The following MOGAT2 variants were observed in gnomAD, a reference collection of about 807,000 sequenced individuals.
MOGAT2 encodes monoacylglycerol O-acyltransferase 2, also known as 2-acylglycerol O-acyltransferase 2.
MOGAT2 carries 27 observed loss-of-function variants against 31.5 expected under a neutral mutation model. The observed-to-expected ratio is 0.86, with a 90% CI of 0.63 to 1.18. MOGAT2 has a LOEUF of 1.18. Ranked by LOEUF, MOGAT2 falls within the 50% of genes most tolerant of loss-of-function variation. The pLI, the probability that MOGAT2 is intolerant of heterozygous loss-of-function variation, is 0.00. For synonymous variants in MOGAT2, 163 were observed against 170.0 expected, an observed-to-expected ratio of 0.96 and a Z score of 0.32; for missense variants, 436 against 433.2, an observed-to-expected ratio of 1.01 and a Z score of -0.06.
At position 75,728,811 on chromosome 11, in the gene MOGAT2, C is replaced by A; in HGVS notation, c.672C>A (p.Phe224Leu). 6.2e-7 allele frequency: 1 copy of A among 1,614,230 alleles called. No homozygotes were observed. The highest frequency in any genetic ancestry group is 8.5e-7 in the Non-Finnish European group (1 of 1,180,038). Reference sequence around the variant, plus strand: ...CCAGGGCACCCCTGGTGCCAATCTTCTCCTTCGGGGAGAATGACCTATTTG... The same window carrying A: ...CCAGGGCACCCCTGGTGCCAATCTTATCCTTCGGGGAGAATGACCTATTTG... The part of the protein sequence containing the change: ...LTHGAPLVPI[F>L]SFGENDLFDQ... Residue 224 changes from phenylalanine (F) to leucine (L), a missense_variant, in exon 5 of 6, where the codon TTC becomes TTA. Physicochemically the swap from Phe to Leu is conservative, Grantham distance 22. Coordinates refer to ENST00000198801, the MANE Select transcript of MOGAT2 (RefSeq NM_025098.4).
chr11:75,718,709 G>T (rs1944351490), intron 1 of MOGAT2, among the ~76,000 whole-genome samples: 1 of 152,158 alleles, frequency 6.6e-6, no homozygotes, highest in Admixed American at 6.5e-5. Context: ...CCCCACCACT[G>T]ATTTGTGGCC....
At chr11:75,723,403 G>C (rs923902211) in intron 2 of MOGAT2, among the ~76,000 whole-genome samples, 1 of 152,084 alleles carries the variant, frequency 6.6e-6, no homozygotes, top group Non-Finnish European at 1.5e-5. Context: ...CTGGGCCTGT[G>C]GGGTGGGGCT....
intron 1 of MOGAT2, among the ~76,000 whole-genome samples, chr11:75,718,748 C>T (rs1944351641): frequency 6.6e-6 from 1 of 152,160 alleles, no homozygotes; most frequent in African/African-American, 2.4e-5. Flanking sequence ...CAAACAATAG[C>T]TCTGCCAAAG....
Position 75,730,128 on chromosome 11 carries a change from C to G in MOGAT2, c.851-1004C>G, listed in dbSNP as rs116502455. Among the ~76,000 whole-genome samples, 430 of 152,342 alleles carry G rather than the reference C, an allele frequency of 2.8e-3. 3 individuals carry two copies. Among genetic ancestry groups the G allele is most frequent in the African/African-American group, 9.8e-3 (409 of 41,574 alleles). ...ATTGAGCAGACTTGGTAAACCCCTACATCATGAACTCCCCTGTGTTGTGTA... is the reference window on the plus strand; with the variant it reads ...ATTGAGCAGACTTGGTAAACCCCTAGATCATGAACTCCCCTGTGTTGTGTA... On this transcript the variant is annotated intron_variant, in intron 5 of 5. Coordinates refer to ENST00000198801, the MANE Select transcript of MOGAT2 (RefSeq NM_025098.4).
chr11:75,721,858 G>T (rs1219538), intron 2 of MOGAT2, among the ~76,000 whole-genome samples: 4 of 151,980 alleles, frequency 2.6e-5, no homozygotes, highest in Admixed American at 1.3e-4. Flanking sequence ...TTATGGGAAC[G>T]CAGGGTGGTT....
In MOGAT2 at chr11:75,720,180, G is replaced by A. The variant is rs1212744165; in HGVS notation, c.270+10G>A. ...CTATTTCCCCATCTCGGTGAGTATTGAGGCTGGTTGGGGTTGGGGAGGGAG... is the reference window on the plus strand; with the variant it reads ...CTATTTCCCCATCTCGGTGAGTATTAAGGCTGGTTGGGGTTGGGGAGGGAG... On this transcript the variant is annotated intron_variant, in intron 2 of 5. Coordinates refer to ENST00000198801, the MANE Select transcript of MOGAT2 (RefSeq NM_025098.4). 4.4e-6 allele frequency: 7 copies of A among 1,607,378 alleles called. No individual in the cohort carries two copies. Among genetic ancestry groups the A allele is most frequent in the Admixed American group, 1.7e-5 (1 of 59,758 alleles).
chr11:75,728,109 C>A lies in MOGAT2; in HGVS notation c.615C>A (p.Asn205Lys), dbSNP rs1486824008. ...RPGSFTLLLR[N>K]RKGFVRLALT... The stretch of plus-strand genomic sequence containing the variant: ...GATCCTTCACGCTGTTACTGCGGAA[C>A]CGAAAGGGCTTCGTCAGGCTCGCCC... The change falls in exon 4 of 6, where the codon AAC becomes AAA. Residue 205 changes from asparagine to lysine, a missense_variant. Asn to Lys is a moderately conservative substitution (Grantham distance 94). Transcript: ENST00000198801. 6.2e-7 allele frequency: 1 copy of A among 1,614,086 alleles called. No homozygotes were observed. The highest frequency in any genetic ancestry group is 8.5e-7 in the Non-Finnish European group (1 of 1,179,988).
intron 3 of MOGAT2, 116 bp from the exon 4 acceptor site, chr11:75,727,853 TG>T: frequency 1.7e-6 from 2 of 1,170,288 alleles, no homozygotes; most frequent in Non-Finnish European, 1.2e-6. Flanking sequence ...TGGGGTGCAG[TG>T]GGGGAAAAAC....
intron 4 of MOGAT2, chr11:75,728,581 G>A (rs1944443405): frequency 1.7e-6 from 1 of 599,954 alleles, no homozygotes; most frequent in Middle Eastern, 4.4e-4. Flanking sequence ...GTGCAACTGG[G>A]AAGTTGTGGC....
In MOGAT2 at chr11:75,728,886, G is replaced by A; in HGVS notation, c.747G>A (p.Arg249=). The change falls in exon 5 of 6, where the codon CGG becomes CGA. Residue 249 remains arginine, a synonymous_variant. Coordinates refer to ENST00000198801, the MANE Select transcript of MOGAT2 (RefSeq NM_025098.4). ...SGSWLRYIQN[R]LQKIMGISLP... ...CCTGGTTACGCTATATCCAGAATCG[G>A]TTGCAGAAGATCATGGGCATCTCCC... is the stretch of plus-strand genomic sequence containing the variant. The A allele has an allele frequency of 6.2e-7, 1 of 1,614,176 alleles. No homozygotes were observed. The highest frequency in any genetic ancestry group is 8.5e-7 in the Non-Finnish European group (1 of 1,180,012).
In MOGAT2 at chr11:75,732,137, C is replaced by G. The variant is rs1320444985; in HGVS notation, c.*851C>G. ...AATTTGAGGAGGGTTTAAAAAGGAACCATTTTTTGAGGTGTGTGCACTGTT... is the reference window on the plus strand; with the variant it reads ...AATTTGAGGAGGGTTTAAAAAGGAAGCATTTTTTGAGGTGTGTGCACTGTT... On this transcript the variant is annotated 3_prime_UTR_variant, in exon 6 of 6. Coordinates refer to ENST00000198801, the MANE Select transcript of MOGAT2 (RefSeq NM_025098.4). 1 of 152,252 alleles carries G rather than the reference C, an allele frequency of 6.6e-6. No homozygotes were observed. The highest frequency in any genetic ancestry group is 1.5e-5 in the Non-Finnish European group (1 of 68,120). 9.4% of individuals were successfully genotyped at this position (152,252 alleles called of 1,614,324 possible). A position where few individuals can be genotyped will look rare whatever the true frequency, so the allele number is the denominator to read the frequency against.
chr11:75,729,093 G>A, intron 5 of MOGAT2, 104 bp downstream of exon 5: 1 of 1,064,502 alleles, frequency 9.4e-7, no homozygotes. Flanking sequence ...TGCCCTAATG[G>A]GGCTCACATT....
rs544932821 is a variant in MOGAT2, at chr11:75,721,891, C to G, written c.270+1721C>G. 2.4e-4 allele frequency among the ~76,000 whole-genome samples: 36 copies of G among 152,320 alleles called. No homozygotes were observed. The South Asian group carries it at 7.0e-3, about 30-fold the overall frequency. On this transcript the variant is annotated intron_variant, in intron 2 of 5. Coordinates refer to ENST00000198801, the MANE Select transcript of MOGAT2 (RefSeq NM_025098.4). ...GTTGGGGTTCCTGCCTTGCTCCCTT[C>G]TGAGAGTCCAGGGGCCCAAGAAGGA...
chr11:75,731,237 A>T lies in MOGAT2; in HGVS notation c.956A>T (p.His319Leu). The part of the protein sequence containing the change: ...IKELCNLFEA[H>L]KLKFNIPADQ... ...GAGCTGTGCAACCTCTTCGAGGCCC[A>T]CAAACTTAAGTTCAACATCCCTGCT... Residue 319 changes from histidine (H) to leucine (L), a missense_variant, in exon 6 of 6, where the codon CAC becomes CTC. Physicochemically the swap from His to Leu is moderately conservative, Grantham distance 99 (BLOSUM62 -3). Transcript: ENST00000198801. 1 of 1,614,184 alleles carries T rather than the reference A, an allele frequency of 6.2e-7. No homozygotes were observed. Among genetic ancestry groups the T allele is most frequent in the South Asian group, 1.1e-5 (1 of 91,086 alleles).
rs902873392 is a variant in MOGAT2 at position 75,728,139 on chromosome 11, A to G, written c.645A>G (p.Thr215=). ...AGGGCTTCGTCAGGCTCGCCCTGAC[A>G]CACGGGTATCAAGCCTCTGGGAAGA... ...NRKGFVRLAL[T]HGAPLVPIFS... The change falls in exon 4 of 6, where the codon ACA becomes ACG. Residue 215 remains threonine (T), a synonymous_variant. Coordinates refer to ENST00000198801, the MANE Select transcript of MOGAT2 (RefSeq NM_025098.4). 15 of 1,612,860 alleles carry G rather than the reference A, an allele frequency of 9.3e-6. No individual in the cohort carries two copies. Among genetic ancestry groups the G allele is most frequent in the Middle Eastern group, 1.6e-4 (1 of 6,084 alleles).
chr11:75,728,153 C>T lies in MOGAT2; in HGVS notation c.650+9C>T, dbSNP rs1203910936. The T allele has an allele frequency of 2.5e-6, 4 of 1,611,486 alleles. No homozygotes were observed. Among genetic ancestry groups the T allele is most frequent in the Non-Finnish European group, 3.4e-6 (4 of 1,178,826 alleles). On this transcript the variant is annotated intron_variant, in intron 4 of 5. Coordinates refer to ENST00000198801, the MANE Select transcript of MOGAT2 (RefSeq NM_025098.4). ...CTCGCCCTGACACACGGGTATCAAG[C>T]CTCTGGGAAGAGCACTCTGGGTTCA... is the stretch of plus-strand genomic sequence containing the variant.
chr11:75,721,369 A>G (rs144467033), intron 2 of MOGAT2, among the ~76,000 whole-genome samples: 3,032 of 151,670 alleles, frequency 0.02, 87 homozygotes, highest in African/African-American at 0.069. Flanking sequence ...TGCAACCTCC[A>G]CCTCCCAGGT....
Position 75,727,465 on chromosome 11 carries a change from C to T in MOGAT2, c.301C>T (p.Arg101Trp), listed in dbSNP as rs772095311. The change falls in exon 3 of 6, where the codon CGG (arginine) becomes TGG (tryptophan). Residue 101 changes from arginine (R) to tryptophan (W), a missense_variant. Arg to Trp is a moderately radical substitution (Grantham distance 101). Transcript: ENST00000198801. ...LVKTAELDPS[R>W]NYIAGFHPHG... ...CAAGACTGCTGAGCTGGACCCCTCT[C>T]GGAACTACATTGCGGGCTTCCACCC... is the stretch of plus-strand genomic sequence containing the variant. 4.2e-5 allele frequency: 67 copies of T among 1,614,008 alleles called. No individual in the cohort carries two copies. The highest frequency in any genetic ancestry group is 2.4e-4 in the South Asian group (22 of 91,088).
intron 2 of MOGAT2, 119 bp from the exon 3 acceptor site, chr11:75,727,316 C>A (rs1944429449): frequency 2.4e-6 from 2 of 836,736 alleles, no homozygotes; most frequent in Non-Finnish European, 3.7e-6. Context: ...GGTGGTCAGA[C>A]ATATGGATGA....
Sources: allele counts gnomAD v4.1 joint callset (sites outside exome capture counted in the v4.1 genomes callset), GRCh38; gene constraint gnomAD v4.1.1; transcripts MANE v1.5; gene names NCBI Gene and HGNC (gene_info 2026-07-23, HGNC 2026-07-21).